Variants in ORC2 observed in about 807,000 individuals in gnomAD.
ORC2 encodes the protein origin recognition complex protein 2 homolog.
A neutral mutation model predicts 77.7 loss-of-function variants in ORC2; 37 were observed. The observed-to-expected ratio is 0.48, with a 90% CI of 0.37 to 0.63. The LOEUF is 0.63. Ranked by LOEUF, ORC2 falls within the 20% of genes least tolerant of loss-of-function variation. ORC2 has a pLI of 0.00. For synonymous variants in ORC2, 201 were observed against 229.5 expected (o/e 0.88, Z 1.12); for missense variants, 557 against 661.9 (o/e 0.84, Z 1.74).
chr2:200,925,941 T>C lies in ORC2; in HGVS notation c.1051-9A>G, dbSNP rs746204693. The C allele has an allele frequency of 2.9e-6, 4 of 1,356,828 alleles. No individual in the cohort carries two copies. In the Admixed American group the frequency reaches 5.3e-5, roughly 18 times the overall value. The allele number at this position is 1,356,828 out of a possible 1,614,324, so 84.0% of individuals were successfully genotyped here. Reference sequence around the variant, plus strand: ...GTTATAGAATTCAGGACCTATATCATGAATGTGGAAGAGGTACCACATTAA... The same window carrying C: ...GTTATAGAATTCAGGACCTATATCACGAATGTGGAAGAGGTACCACATTAA... On this transcript the variant is annotated splice_polypyrimidine_tract_variant and intron_variant, in intron 12 of 17. Transcript: ENST00000234296.
At chr2:200,921,417 C>T (rs2040760055) in intron 13 of ORC2, 2 of 215,806 alleles carry the variant, frequency 9.3e-6, no homozygotes, top group Non-Finnish European at 1.8e-5. Flanking sequence ...GCTAGGATCA[C>T]AGACGTGAAC....
intron 15 of ORC2, among the ~76,000 whole-genome samples, chr2:200,914,614 ATAAAAAAT>A (rs1365460462): frequency 5.9e-5 from 9 of 152,164 alleles, no homozygotes; most frequent in Non-Finnish European, 1.2e-4. Flanking sequence ...CTCTGTCTCT[ATAAAAAAT>A]TAAAAAATTA....
chr2:200,917,825 C>T (rs2124936428), intron 15 of ORC2, among the ~76,000 whole-genome samples: 1 of 151,050 alleles, frequency 6.6e-6, no homozygotes, highest in East Asian at 1.9e-4. Context: ...AATCATCTCA[C>T]AACAAAAAGT....
At chr2:200,929,363 G>T (rs1012468306) in intron 11 of ORC2, among the ~76,000 whole-genome samples, 6 of 152,182 alleles carry the variant, frequency 3.9e-5, no homozygotes, top group African/African-American at 1.4e-4. Context: ...GAATGGACAG[G>T]AAGGAACAAA....
rs16835936 is a variant in ORC2 at position 200,934,181 on chromosome 2, G to T, written c.709-207C>A. On this transcript the variant is annotated intron_variant, in intron 9 of 17. Coordinates refer to ENST00000234296, the MANE Select transcript of ORC2 (RefSeq NM_006190.5). ...AATTACTAGGATCATATAAGTTAAAGAAATGACTAGGTGAAGTAGTAGTCT... is the reference window on the plus strand; with the variant it reads ...AATTACTAGGATCATATAAGTTAAATAAATGACTAGGTGAAGTAGTAGTCT... Among the ~76,000 whole-genome samples the T allele has an allele frequency of 9.2e-3, 1,401 of 152,262 alleles. 18 individuals carry two copies. The highest frequency in any genetic ancestry group is 0.031 in the African/African-American group (1,283 of 41,528).
intron 4 of ORC2, among the ~76,000 whole-genome samples, chr2:200,953,649 C>G (rs1478101449): frequency 1.3e-5 from 2 of 152,130 alleles, no homozygotes; most frequent in Non-Finnish European, 2.9e-5. Flanking sequence ...ATGTTCATAG[C>G]AGCATCATTC....
intron 15 of ORC2, among the ~76,000 whole-genome samples, chr2:200,918,348 T>A (rs1263259574): frequency 6.6e-6 from 1 of 152,162 alleles, no homozygotes; most frequent in Non-Finnish European, 1.5e-5. Context: ...ATGCTGTGTG[T>A]TTGGAACAAG....
chr2:200,920,407 A>G lies in ORC2; in HGVS notation c.1295-14T>C. On this transcript the variant is annotated splice_polypyrimidine_tract_variant and intron_variant, in intron 14 of 17. Transcript: ENST00000234296. ...CATGATCCCACACTAGCACATGATC[A>G]AAGAAAACAAGAATTACAAATTATT... 1 of 1,489,144 alleles carries G rather than the reference A, an allele frequency of 6.7e-7. No individual in the cohort carries two copies. Among genetic ancestry groups the G allele is most frequent in the Non-Finnish European group, 9.0e-7 (1 of 1,112,402 alleles). The allele number at this position is 1,489,144 out of a possible 1,614,324, so 92.2% of individuals were successfully genotyped here.
At chr2:200,920,931 T>C in intron 14 of ORC2, 62 bp downstream of exon 14, 1 of 1,206,332 alleles carries the variant, frequency 8.3e-7, no homozygotes, top group Non-Finnish European at 1.1e-6. Context: ...TGATTTATAT[T>C]AATAGAATTT....
chr2:200,927,526 CAA>C (rs1158700178), intron 11 of ORC2, among the ~76,000 whole-genome samples: 4 of 131,094 alleles, frequency 3.1e-5, no homozygotes, highest in East Asian at 2.4e-4. Context: ...ACTAAAAATA[CAA>C]AAAAAAAAAA....
chr2:200,957,275 C>A, intron 4 of ORC2, 126 bp downstream of exon 4: 1 of 630,616 alleles, frequency 1.6e-6, no homozygotes, highest in Non-Finnish European at 2.5e-6. Context: ...GAAGCAAATG[C>A]TTTTTAGATG....
chr2:200,929,072 C>T (rs893760733), intron 11 of ORC2, among the ~76,000 whole-genome samples: 16 of 152,020 alleles, frequency 1.1e-4, no homozygotes, highest in Admixed American at 7.2e-4. Flanking sequence ...CTGCCTCACC[C>T]TCCCAAGTAG....
At chr2:200,919,858 G>T in intron 15 of ORC2, among the ~76,000 whole-genome samples, 1 of 152,186 alleles carries the variant, frequency 6.6e-6, no homozygotes, top group African/African-American at 2.4e-5. Context: ...AGGATCAAAT[G>T]AAGTAATGCA....
At chr2:200,914,402 G>A (rs1304387625) in intron 15 of ORC2, among the ~76,000 whole-genome samples, 3 of 152,158 alleles carry the variant, frequency 2.0e-5, no homozygotes, top group East Asian at 1.9e-4. Flanking sequence ...TCCTGATCTC[G>A]TGATCCGCCC....
intron 1 of ORC2, among the ~76,000 whole-genome samples, chr2:200,961,699 A>C (rs1307866355): frequency 6.6e-6 from 1 of 152,224 alleles, no homozygotes; most frequent in Non-Finnish European, 1.5e-5. Flanking sequence ...ACTACAAAGG[A>C]TTTGAAGCAG....
At chr2:200,957,346 T>C in intron 4 of ORC2, 55 bp downstream of exon 4, 9 of 1,388,874 alleles carry the variant, frequency 6.5e-6, no homozygotes, top group Non-Finnish European at 6.8e-6. Context: ...GTGTATCCTA[T>C]AAAGCAATTT....
chr2:200,932,475 G>A (rs369420786), intron 10 of ORC2, among the ~76,000 whole-genome samples: 1 of 151,972 alleles, frequency 6.6e-6, no homozygotes, highest in African/African-American at 2.4e-5. Flanking sequence ...GAGTAGCTGG[G>A]AGTACAGGCG....
Position 200,913,572 on chromosome 2 carries a change from C to T in ORC2, c.1529-159G>A, listed in dbSNP as rs2040588220. 6 of 1,329,230 alleles carry T rather than the reference C, an allele frequency of 4.5e-6. No homozygotes were observed. The South Asian group carries it at 1.1e-4, about 25-fold the overall frequency. The allele number at this position is 1,329,230 out of a possible 1,614,324, so 82.3% of individuals were successfully genotyped here. A position where few individuals can be genotyped will look rare whatever the true frequency, so the allele number is the denominator to read the frequency against. The stretch of plus-strand genomic sequence containing the variant: ...ACTTTTAAAGAAGGAACAAGTAAGT[C>T]ATGAGAGCAGAACAATTATTAAAAT... On this transcript the variant is annotated intron_variant, in intron 16 of 17. Transcript: ENST00000234296.
chr2:200,958,296 A>G (rs990124644), intron 2 of ORC2, among the ~76,000 whole-genome samples, 163 bp from the exon 3 acceptor site: 1 of 152,216 alleles, frequency 6.6e-6, no homozygotes, highest in Non-Finnish European at 1.5e-5. Context: ...ATTCAACTGT[A>G]GGTAACTCAA....
Sources: allele counts gnomAD v4.1 joint callset (sites outside exome capture counted in the v4.1 genomes callset), GRCh38; gene constraint gnomAD v4.1.1; transcripts MANE v1.5; gene names NCBI Gene and HGNC (gene_info 2026-07-23, HGNC 2026-07-21).